ABCD3: variants seen among roughly 807,000 people sequenced by gnomAD.
ABCD3 encodes ATP binding cassette subfamily D member 3.
A neutral mutation model predicts 105.5 loss-of-function variants in ABCD3; 41 were observed. The observed-to-expected ratio is 0.39, with a 90% CI of 0.30 to 0.50. The LOEUF is 0.50. ABCD3 is among the 20% of genes least tolerant of loss of function. ABCD3 has a pLI of 0.84. For missense variants in ABCD3, 622 were observed against 806.3 expected, an observed-to-expected ratio of 0.77 and a Z score of 2.77; for synonymous variants, 258 against 269.0, an observed-to-expected ratio of 0.96 and a Z score of 0.40.
rs568673503 is a variant in ABCD3, at chr1:94,442,074, G to GA, written c.111-16527dup. Among the ~76,000 whole-genome samples, 71 of 152,194 alleles carry GA rather than the reference G, an allele frequency of 4.7e-4. No homozygotes were observed. The South Asian group carries it at 0.015, about 31-fold the overall frequency. On this transcript the variant is annotated intron_variant, in intron 1 of 22. Coordinates refer to ENST00000370214, the MANE Select transcript of ABCD3 (RefSeq NM_002858.4). ...GAAGTAACAATCTCAGATGGCTTAGGAAAAAATGCATGTGTGTGTATATAT... is the reference window on the plus strand; with the variant it reads ...GAAGTAACAATCTCAGATGGCTTAGGAAAAAAATGCATGTGTGTGTATATAT...
At chr1:94,458,583 T>G (rs771781605) in intron 1 of ABCD3, 24 bp from the exon 2 acceptor site, 12 of 1,605,566 alleles carry the variant, frequency 7.5e-6, no homozygotes, top group East Asian at 4.5e-5. Context: ...AGTAAAGCTC[T>G]CTCTCTCTTT....
At chr1:94,441,463 C>T (rs993042557) in intron 1 of ABCD3, among the ~76,000 whole-genome samples, 10 of 139,604 alleles carry the variant, frequency 7.2e-5, no homozygotes, top group African/African-American at 2.2e-4. Context: ...AACAAAACTG[C>T]GTATGCATTT....
intron 4 of ABCD3, among the ~76,000 whole-genome samples, chr1:94,471,212 A>G (rs959107777): frequency 6.6e-6 from 1 of 152,112 alleles, no homozygotes; most frequent in African/African-American, 2.4e-5. Context: ...TTTCTGAACC[A>G]TTTTTTAAAA....
In ABCD3 at chr1:94,464,944, T is replaced by C. The variant is rs1313381552; in HGVS notation, c.246+71T>C. On this transcript the variant is annotated intron_variant, in intron 3 of 22. Transcript: ENST00000370214. ...TAATAAAATACCTGAGGCTGGGTAA[T>C]TTATAAAGAAAAGAGATTTAATTGG... 13 of 1,277,620 alleles carry C rather than the reference T, an allele frequency of 1.0e-5. No individual in the cohort carries two copies. The South Asian group carries it at 1.3e-4, about 13-fold the overall frequency. The allele number at this position is 1,277,620 out of a possible 1,614,324, so 79.1% of individuals were successfully genotyped here.
Position 94,434,036 on chromosome 1 carries a change from A to G in ABCD3, c.110+15448A>G, listed in dbSNP as rs570255887. ...TGTACCTGTATAAGGTGTAGTTACC[A>G]TGAATGGAGCTTGCAGGACTGGAAG... is the stretch of plus-strand genomic sequence containing the variant. On this transcript the variant is annotated intron_variant, in intron 1 of 22. Transcript: ENST00000370214. Among the ~76,000 whole-genome samples the G allele has an allele frequency of 1.5e-3, 231 of 152,286 alleles. 1 individual carries two copies. Among genetic ancestry groups the G allele is most frequent in the South Asian group, 3.7e-3 (18 of 4,820 alleles).
chr1:94,493,706 A>G (rs925184606), intron 16 of ABCD3, among the ~76,000 whole-genome samples: 8 of 152,210 alleles, frequency 5.3e-5, no homozygotes, highest in South Asian at 2.1e-4. Flanking sequence ...ATGTCCAACA[A>G]TGATAGACTG....
the ABCD3 span, among the ~76,000 whole-genome samples, chr1:94,398,369 T>A: frequency 6.6e-6 from 1 of 152,194 alleles, no homozygotes; most frequent in Admixed American, 6.5e-5. Flanking sequence ...AATATACCTA[T>A]AAAATAATAT....
intron 21 of ABCD3, among the ~76,000 whole-genome samples, chr1:94,510,749 CTTCT>C (rs1362183703): frequency 1.3e-5 from 2 of 152,028 alleles, no homozygotes; most frequent in Non-Finnish European, 2.9e-5. Flanking sequence ...ATGTAATGGC[CTTCT>C]TTGTCTCTTT....
chr1:94,396,928 T>C, the ABCD3 span, among the ~76,000 whole-genome samples: 4 of 152,178 alleles, frequency 2.6e-5, no homozygotes, highest in Admixed American at 2.6e-4. Flanking sequence ...GATAGGCCTG[T>C]GATGTTGTAT....
upstream of ABCD3, among the ~76,000 whole-genome samples, chr1:94,414,006 A>G (rs1199527453): frequency 6.6e-6 from 1 of 152,180 alleles, no homozygotes; most frequent in Non-Finnish European, 1.5e-5. Context: ...GTAGGAAGGG[A>G]TTCAGGTAGA....
upstream of ABCD3, among the ~76,000 whole-genome samples, chr1:94,414,861 C>G (rs1489299033): frequency 2.6e-5 from 4 of 152,180 alleles, no homozygotes; most frequent in East Asian, 7.7e-4. Flanking sequence ...TGACTTAATA[C>G]AATAAACACA....
the ABCD3 span, among the ~76,000 whole-genome samples, chr1:94,401,601 A>G: frequency 2.6e-5 from 4 of 152,220 alleles, no homozygotes; most frequent in African/African-American, 9.6e-5. Context: ...AGGTCTTCTT[A>G]AGATAAGTTA....
chr1:94,389,552 C>A, the ABCD3 span, among the ~76,000 whole-genome samples: 1 of 152,220 alleles, frequency 6.6e-6, no homozygotes, highest in Non-Finnish European at 1.5e-5. Context: ...ATAAGGAATA[C>A]TTCTAGTTAA....
At chr1:94,426,627 C>T (rs371523476) in intron 1 of ABCD3, among the ~76,000 whole-genome samples, 34 of 151,952 alleles carry the variant, frequency 2.2e-4, no homozygotes, top group African/African-American at 8.2e-4. Context: ...ACCGCAACCT[C>T]CGACTCCCGG....
At chr1:94,440,578 G>A (rs1395389507) in intron 1 of ABCD3, among the ~76,000 whole-genome samples, 1 of 152,196 alleles carries the variant, frequency 6.6e-6, no homozygotes, top group Admixed American at 6.5e-5. Context: ...CAGTTCAGCT[G>A]CTGCTCTCAA....
intron 1 of ABCD3, among the ~76,000 whole-genome samples, chr1:94,426,929 T>G (rs894558254): frequency 9.2e-5 from 14 of 151,542 alleles, no homozygotes; most frequent in African/African-American, 3.4e-4. Context: ...TTCTTCCCTC[T>G]GAAACTTTTT....
At chr1:94,438,766 G>A (rs575266621) in intron 1 of ABCD3, among the ~76,000 whole-genome samples, 1 of 152,064 alleles carries the variant, frequency 6.6e-6, no homozygotes, top group Non-Finnish European at 1.5e-5. Flanking sequence ...TAAAAACCAA[G>A]GTATGTCCAT....
chr1:94,477,227 C>CAA lies in ABCD3; in HGVS notation c.628-1005_628-1004dup, dbSNP rs561060182. On this transcript the variant is annotated intron_variant, in intron 7 of 22. Transcript: ENST00000370214. ...TCTAGCTTCTTGATAACTTATAAGGCAAAAAAAAAAAAAAAAAAAAAAAAA... is the reference window on the plus strand; with the variant it reads ...TCTAGCTTCTTGATAACTTATAAGGCAAAAAAAAAAAAAAAAAAAAAAAAAAA... Among the ~76,000 whole-genome samples the CAA allele has an allele frequency of 1.9e-3, 83 of 44,310 alleles. 4 individuals are homozygous for CAA. The highest frequency in any genetic ancestry group is 6.2e-3 in the African/African-American group (70 of 11,298). 29.1% of individuals were successfully genotyped at this position (44,310 alleles called of 152,430 possible). A position where few individuals can be genotyped will look rare whatever the true frequency, so the allele number is the denominator to read the frequency against.
the ABCD3 span, among the ~76,000 whole-genome samples, chr1:94,401,109 A>G: frequency 4.6e-5 from 7 of 152,232 alleles, no homozygotes; most frequent in African/African-American, 7.2e-5. Flanking sequence ...CCCAGCCTCC[A>G]GAATGTAAGA....
Sources: gnomAD v4.1 joint callset for allele counts (sites outside exome capture counted in the v4.1 genomes callset) on GRCh38, gnomAD v4.1.1 for gene constraint, MANE v1.5 for transcripts, NCBI Gene and HGNC (gene_info 2026-07-23, HGNC 2026-07-21) for gene names.